MSR1: variants seen among roughly 807,000 people sequenced by gnomAD.
MSR1 encodes macrophage scavenger receptor 1.
In MSR1, 53 loss-of-function variants were observed where a neutral mutation model predicts 47.2. The ratio of observed to expected loss-of-function variants is 1.12; its 90% CI spans 0.90 to 1.41. MSR1 has a LOEUF of 1.41. Among genes scored for constraint, MSR1 ranks in the 40% most tolerant of loss-of-function variants. The pLI, the probability that MSR1 is intolerant of heterozygous loss-of-function variation, is 0.00. For missense variants in MSR1, 786 were observed against 546.9 expected, an observed-to-expected ratio of 1.44 and a Z score of -4.36; for synonymous variants, 239 against 185.6, an observed-to-expected ratio of 1.29 and a Z score of -2.34.
chr8:16,190,542 G>T (rs1238855403), intron 1 of MSR1, among the ~76,000 whole-genome samples: 1 of 151,868 alleles, frequency 6.6e-6, no homozygotes, highest in Non-Finnish European at 1.5e-5. Context: ...TTCTTCTTGG[G>T]TTATTATCTA....
chr8:16,127,229 T>A (rs146779394), intron 8 of MSR1, among the ~76,000 whole-genome samples: 167 of 152,300 alleles, frequency 1.1e-3, no homozygotes, highest in African/African-American at 3.9e-3. Flanking sequence ...CATCTTTATA[T>A]GATAAAAGCC....
intron 8 of MSR1, among the ~76,000 whole-genome samples, chr8:16,125,096 G>C (rs1479863313): frequency 1.3e-5 from 2 of 152,108 alleles, no homozygotes; most frequent in African/African-American, 2.4e-5. Flanking sequence ...TTTGGTGGGA[G>C]GCTCTGATCA....
chr8:16,145,652 T>A (rs1052040311), intron 7 of MSR1, among the ~76,000 whole-genome samples: 1 of 152,160 alleles, frequency 6.6e-6, no homozygotes, highest in Non-Finnish European at 1.5e-5. Context: ...TTGCCTTTGT[T>A]CTTATACCAC....
intron 9 of MSR1, among the ~76,000 whole-genome samples, chr8:16,113,972 T>C (rs1009265517): frequency 8.7e-5 from 13 of 149,194 alleles, no homozygotes; most frequent in Non-Finnish European, 1.3e-4. Flanking sequence ...GCCCTACTTA[T>C]TTTCTCTATG....
chr8:16,147,724 C>T (rs1800739006), intron 7 of MSR1, among the ~76,000 whole-genome samples: 2 of 152,112 alleles, frequency 1.3e-5, no homozygotes, highest in Admixed American at 6.6e-5. Context: ...ACTAGAACAG[C>T]ACCTGGCACT....
intron 3 of MSR1, among the ~76,000 whole-genome samples, chr8:16,170,315 T>A (rs539761068): frequency 4.6e-4 from 69 of 150,468 alleles, no homozygotes; most frequent in Non-Finnish European, 9.1e-4. Flanking sequence ...GCCACTGCAC[T>A]CCAGCCTGGG....
intron 1 of MSR1, among the ~76,000 whole-genome samples, chr8:16,178,997 C>G (rs1355803928): frequency 6.6e-6 from 1 of 152,092 alleles, no homozygotes; most frequent in Non-Finnish European, 1.5e-5. Flanking sequence ...ATTAAACTTA[C>G]CCATAAGTTT....
intron 8 of MSR1, chr8:16,140,364 A>G: frequency 1.0e-6 from 1 of 985,592 alleles, no homozygotes; most frequent in Non-Finnish European, 1.2e-6. Context: ...TATTCATTGA[A>G]GATTGAGCTG....
intron 9 of MSR1, among the ~76,000 whole-genome samples, chr8:16,116,421 G>A (rs998503948): frequency 5.9e-5 from 9 of 152,020 alleles, no homozygotes; most frequent in African/African-American, 2.2e-4. Flanking sequence ...TTTATTGTTT[G>A]ATGATAATAA....
intron 1 of MSR1, among the ~76,000 whole-genome samples, chr8:16,189,245 TTAGATA>T (rs1445368057): frequency 7.3e-6 from 1 of 136,174 alleles, no homozygotes; most frequent in African/African-American, 2.8e-5. Flanking sequence ...TTATATATAT[TTAGATA>T]TAATCTTATT....
chr8:16,144,271 C>A (rs1235076277), intron 7 of MSR1, among the ~76,000 whole-genome samples: 1 of 152,018 alleles, frequency 6.6e-6, no homozygotes, highest in African/African-American at 2.4e-5. Flanking sequence ...ACCCACTGTC[C>A]CATTTTTAAA....
At chr8:16,133,027 T>C (rs961527122) in intron 8 of MSR1, among the ~76,000 whole-genome samples, 6 of 152,200 alleles carry the variant, frequency 3.9e-5, no homozygotes, top group African/African-American at 1.2e-4. Context: ...ATTGAGATCA[T>C]CATGTAGTTT....
intron 7 of MSR1, 91 bp downstream of exon 7, chr8:16,150,140 G>GTGTGAA (rs1402495981): frequency 2.3e-5 from 4 of 172,632 alleles, no homozygotes; most frequent in African/African-American, 1.2e-4. Context: ...GTGTGTGTGT[G>GTGTGAA]TATATATATA....
At chr8:16,121,380 T>C (rs1800002845) in intron 8 of MSR1, among the ~76,000 whole-genome samples, 1 of 152,094 alleles carries the variant, frequency 6.6e-6, no homozygotes, top group Non-Finnish European at 1.5e-5. Context: ...TTGTAAAATC[T>C]TGATCATGCT....
intron 8 of MSR1, chr8:16,140,552 C>T: frequency 2.9e-6 from 3 of 1,018,968 alleles, no homozygotes; most frequent in Non-Finnish European, 3.5e-6. Context: ...CAGAGCCTCA[C>T]ACAAGTGTTA....
At chr8:16,126,381 G>C (rs1209484937) in intron 8 of MSR1, among the ~76,000 whole-genome samples, 1 of 151,890 alleles carries the variant, frequency 6.6e-6, no homozygotes, top group Non-Finnish European at 1.5e-5. Context: ...TTTCCTTTTT[G>C]TATCATTTAT....
chr8:16,169,540 A>T (rs1315256367), intron 3 of MSR1, among the ~76,000 whole-genome samples: 1 of 152,110 alleles, frequency 6.6e-6, no homozygotes, highest in African/African-American at 2.4e-5. Flanking sequence ...CACAGCAGAA[A>T]ATTTAGAAAA....
intron 8 of MSR1, among the ~76,000 whole-genome samples, chr8:16,139,030 C>T (rs1192835147): frequency 6.6e-6 from 1 of 152,142 alleles, no homozygotes; most frequent in African/African-American, 2.4e-5. Flanking sequence ...ACACCTTCTG[C>T]CCTCCGGCGT....
At chr8:16,139,459 G>C in intron 8 of MSR1, 1 of 979,360 alleles carries the variant, frequency 1.0e-6, no homozygotes, top group South Asian at 4.7e-5. Context: ...GATACACAGA[G>C]GCATACCATC....
Sources: allele counts gnomAD v4.1 joint callset (sites outside exome capture counted in the v4.1 genomes callset), GRCh38; gene constraint gnomAD v4.1.1; transcripts MANE v1.5; gene names NCBI Gene and HGNC (gene_info 2026-07-23, HGNC 2026-07-21).